The following CADM2 variants were observed in gnomAD, a reference collection of about 807,000 sequenced individuals.
CADM2 encodes cell adhesion molecule 2.
In CADM2, 12 loss-of-function variants were observed where a neutral mutation model predicts 49.8. That is an observed-to-expected ratio of 0.24 (90% CI 0.15 to 0.39). The LOEUF is 0.39. CADM2 is among the 10% of genes least tolerant of loss of function. The pLI is 1.00. For missense variants in CADM2, 378 were observed against 492.3 expected (o/e 0.77, Z 2.20); for synonymous variants, 214 against 175.4 (o/e 1.22, Z -1.74).
At chr3:84,994,515 A>G (rs2107189647) in intron 1 of CADM2, among the ~76,000 whole-genome samples, 1 of 152,148 alleles carries the variant, frequency 6.6e-6, no homozygotes, top group South Asian at 2.1e-4. Flanking sequence ...AGGTAGGTAA[A>G]ATTTCCTCAA....
intron 1 of CADM2, among the ~76,000 whole-genome samples, chr3:85,415,399 C>T (rs1376576258): frequency 2.3e-5 from 3 of 129,400 alleles, no homozygotes; most frequent in South Asian, 5.3e-4. Flanking sequence ...GATGAAAGTA[C>T]GAATAGTGCC....
intron 1 of CADM2, among the ~76,000 whole-genome samples, chr3:84,983,175 A>G (rs2032314088): frequency 6.6e-6 from 1 of 152,148 alleles, no homozygotes; most frequent in African/African-American, 2.4e-5. Flanking sequence ...TCATTTTGCA[A>G]TGTATCATTT....
At chr3:85,203,321 G>T (rs1026108421) in intron 1 of CADM2, among the ~76,000 whole-genome samples, 1 of 152,012 alleles carries the variant, frequency 6.6e-6, no homozygotes, top group Non-Finnish European at 1.5e-5. Context: ...GGATATTGTG[G>T]GGTGGTTACT....
chr3:85,713,307 G>A (rs12485424), intron 1 of CADM2, among the ~76,000 whole-genome samples: 17 of 152,026 alleles, frequency 1.1e-4, no homozygotes, highest in African/African-American at 2.4e-4. Context: ...TGGCACGTGG[G>A]ACTAACTTTT....
rs189940597 is a variant in CADM2 at position 85,761,759 on chromosome 3, T to A, written c.88+35211T>A. Among the ~76,000 whole-genome samples the A allele has an allele frequency of 1.7e-3, 265 of 152,314 alleles. 1 individual carries two copies. Among genetic ancestry groups the A allele is most frequent in the Non-Finnish European group, 1.6e-3 (107 of 68,028 alleles). On this transcript the variant is annotated intron_variant, in intron 2 of 9. Transcript: ENST00000383699. ...ATTGGGAAAAGAGATGATCTCATTCTTGTGTGTTTGTTAGTAGCATTGTGC... is the reference window on the plus strand; with the variant it reads ...ATTGGGAAAAGAGATGATCTCATTCATGTGTGTTTGTTAGTAGCATTGTGC...
intron 1 of CADM2, among the ~76,000 whole-genome samples, chr3:85,030,043 C>T (rs1262259359): frequency 1.3e-5 from 2 of 152,158 alleles, no homozygotes; most frequent in Non-Finnish European, 2.9e-5. Flanking sequence ...TTCTCACTTC[C>T]TCTGCTCCAG....
At position 86,071,401 on chromosome 3, in the gene CADM2, A is replaced by C. The variant is rs1287379353; in HGVS notation, c.*4618A>C. 2.0e-5 allele frequency: 3 copies of C among 151,842 alleles called. No homozygotes were observed. Among genetic ancestry groups the C allele is most frequent in the Non-Finnish European group, 4.4e-5 (3 of 67,822 alleles). The allele number at this position is 151,842 out of a possible 1,614,324, so 9.4% of individuals were successfully genotyped here. A position where few individuals can be genotyped will look rare whatever the true frequency, so the allele number is the denominator to read the frequency against. On this transcript the variant is annotated 3_prime_UTR_variant, in exon 10 of 10. Transcript: ENST00000383699. ...ACCCTTCCAAAGGCAATGGATTGAAAGTAGCAAGATAATAAAGAGAGTTAA... is the reference window on the plus strand; with the variant it reads ...ACCCTTCCAAAGGCAATGGATTGAACGTAGCAAGATAATAAAGAGAGTTAA...
intron 1 of CADM2, among the ~76,000 whole-genome samples, chr3:85,677,063 G>A (rs2065906079): frequency 6.6e-6 from 1 of 152,114 alleles, no homozygotes; most frequent in African/African-American, 2.4e-5. Flanking sequence ...TTCTGCTAAT[G>A]TAGCCTAAAA....
In CADM2 at chr3:85,690,098, T is replaced by G. The variant is rs557732740; in HGVS notation, c.62-36424T>G. On this transcript the variant is annotated intron_variant, in intron 1 of 9. Coordinates refer to ENST00000383699, the MANE Select transcript of CADM2 (RefSeq NM_001167675.2). Reference sequence around the variant, plus strand: ...GAGGTCAGTTGTTTCATAATTTTTTTTATCATGGGAGAGGAGATAGTACAG... The same window carrying G: ...GAGGTCAGTTGTTTCATAATTTTTTGTATCATGGGAGAGGAGATAGTACAG... 2.0e-4 allele frequency among the ~76,000 whole-genome samples: 30 copies of G among 152,258 alleles called. 1 individual carries two copies. The South Asian group carries it at 5.0e-3, about 25-fold the overall frequency.
chr3:85,689,666 G>A (rs2066323982), intron 1 of CADM2, among the ~76,000 whole-genome samples: 1 of 152,128 alleles, frequency 6.6e-6, no homozygotes, highest in Non-Finnish European at 1.5e-5. Context: ...CATGTTCAGA[G>A]CTGTTCTTTA....
At chr3:85,489,661 GA>G (rs56088977) in intron 1 of CADM2, among the ~76,000 whole-genome samples, 25,032 of 127,724 alleles carry the variant, frequency 0.2, 2,628 homozygotes, top group Non-Finnish European at 0.26. Context: ...AATAATAAAA[GA>G]AAAAAAATCA....
chr3:85,499,778 T>C (rs2040042984), intron 1 of CADM2, among the ~76,000 whole-genome samples: 1 of 152,108 alleles, frequency 6.6e-6, no homozygotes, highest in Non-Finnish European at 1.5e-5. Context: ...GTCTTAAGAT[T>C]TAATTATTTT....
rs953902556 is a variant in CADM2 at position 86,069,462 on chromosome 3, A to T, written c.*2679A>T. 1 of 152,016 alleles carries T rather than the reference A, an allele frequency of 6.6e-6. No homozygotes were observed. Among genetic ancestry groups the T allele is most frequent in the Non-Finnish European group, 1.5e-5 (1 of 67,892 alleles). 9.4% of individuals were successfully genotyped at this position (152,016 alleles called of 1,614,324 possible). A position where few individuals can be genotyped will look rare whatever the true frequency, so the allele number is the denominator to read the frequency against. Reference sequence around the variant, plus strand: ...TTCTGAACTGGAGAAAACAATATCAATGAAGTCATATTTTCATACCTTTAA... The same window carrying T: ...TTCTGAACTGGAGAAAACAATATCATTGAAGTCATATTTTCATACCTTTAA... On this transcript the variant is annotated 3_prime_UTR_variant, in exon 10 of 10. Coordinates refer to ENST00000383699, the MANE Select transcript of CADM2 (RefSeq NM_001167675.2).
Position 85,791,544 on chromosome 3 carries a change from A to AAGAGAG in CADM2, c.89-10479_89-10474dup, listed in dbSNP as rs71112119. The stretch of plus-strand genomic sequence containing the variant: ...AGGGAGAGAGAGAGAGAGAGAGAGA[A>AAGAGAG]AGAGAGAGAGAGAGAGAGAGAGAGA... On this transcript the variant is annotated intron_variant, in intron 2 of 9. Coordinates refer to ENST00000383699, the MANE Select transcript of CADM2 (RefSeq NM_001167675.2). 3.3e-3 allele frequency among the ~76,000 whole-genome samples: 333 copies of AAGAGAG among 99,990 alleles called. 2 individuals are homozygous for AAGAGAG. Among genetic ancestry groups the AAGAGAG allele is most frequent in the African/African-American group, 0.011 (309 of 28,474 alleles). 65.6% of individuals were successfully genotyped at this position (99,990 alleles called of 152,430 possible).
At chr3:86,005,359 T>C (rs565977097) in intron 8 of CADM2, among the ~76,000 whole-genome samples, 2 of 152,204 alleles carry the variant, frequency 1.3e-5, no homozygotes, top group African/African-American at 2.4e-5. Flanking sequence ...GAGACCAGCC[T>C]GGCCAAAATG....
intron 1 of CADM2, among the ~76,000 whole-genome samples, chr3:85,025,985 C>A (rs1242124408): frequency 6.6e-6 from 1 of 152,114 alleles, no homozygotes; most frequent in Non-Finnish European, 1.5e-5. Flanking sequence ...TGTTTCCGCA[C>A]TTTGCCAACA....
chr3:85,592,681 A>G (rs2063138659), intron 1 of CADM2, among the ~76,000 whole-genome samples: 1 of 151,238 alleles, frequency 6.6e-6, no homozygotes, highest in Admixed American at 6.6e-5. Context: ...AACTGCCTCA[A>G]TGATAAATTT....
intron 1 of CADM2, among the ~76,000 whole-genome samples, chr3:85,060,955 A>C (rs188830149): frequency 1.3e-5 from 2 of 152,166 alleles, no homozygotes; most frequent in African/African-American, 2.4e-5. Flanking sequence ...ATAGTAATAC[A>C]TGAGTATACT....
chr3:85,521,235 G>T (rs1212791409), intron 1 of CADM2, among the ~76,000 whole-genome samples: 5 of 151,992 alleles, frequency 3.3e-5, no homozygotes, highest in Non-Finnish European at 1.5e-5. Context: ...CTCAGCTTTG[G>T]ATGTGCCACA....
Sources: gnomAD v4.1 joint callset for allele counts (sites outside exome capture counted in the v4.1 genomes callset) on GRCh38, gnomAD v4.1.1 for gene constraint, MANE v1.5 for transcripts, NCBI Gene and HGNC (gene_info 2026-07-23, HGNC 2026-07-21) for gene names.